Variants in COL14A1 observed in about 807,000 individuals in gnomAD.
COL14A1 encodes collagen alpha-1(XIV) chain.
A neutral mutation model predicts 230.3 loss-of-function variants in COL14A1; 136 were observed. That is an observed-to-expected ratio of 0.59 (90% CI 0.51 to 0.68). The LOEUF is 0.68. Ranked by LOEUF, COL14A1 falls within the 30% of genes least tolerant of loss-of-function variation. The probability of loss-of-function intolerance (pLI) is 0.00; values close to 1 mark genes in which losing one functional copy is unlikely to be tolerated. For missense variants in COL14A1, 1,976 were observed against 2,215.8 expected (o/e 0.89, Z 2.17); for synonymous variants, 792 against 784.1 (o/e 1.01, Z -0.17).
chr8:120,294,434 CTTTT>C (rs57256972), intron 34 of COL14A1, among the ~76,000 whole-genome samples: 87,139 of 136,780 alleles, frequency 0.64, 27,420 homozygotes, highest in African/African-American at 0.75. Context: ...GTCTCTTCCT[CTTTT>C]TTTTTTTTTT....
chr8:120,166,919 TGTGGTGGTGATGATG>T (rs1402334212), intron 4 of COL14A1, among the ~76,000 whole-genome samples: 11 of 143,860 alleles, frequency 7.6e-5, no homozygotes, highest in African/African-American at 3.0e-4. Context: ...TGTGTGTGTG[TGTGGTGGTGATGATG>T]GTGGTGGTGG....
intron 23 of COL14A1, among the ~76,000 whole-genome samples, chr8:120,259,782 G>A (rs1476992859): frequency 1.3e-5 from 2 of 152,196 alleles, no homozygotes; most frequent in Non-Finnish European, 2.9e-5. Context: ...CGGAAGGTTT[G>A]TGGAGGTAGA....
In COL14A1 at chr8:120,373,211, G is replaced by A. The variant is rs1394284684; in HGVS notation, c.*1980G>A. Among the ~76,000 whole-genome samples, 10 of 152,140 alleles carry A rather than the reference G, an allele frequency of 6.6e-5. No homozygotes were observed. The highest frequency in any genetic ancestry group is 5.9e-5 in the Non-Finnish European group (4 of 68,018). ...CTCTCAAAGTTTGTGTATAAATGGCGAAGTATACACTATGAGAGATTCTAA... is the reference window on the plus strand; with the variant it reads ...CTCTCAAAGTTTGTGTATAAATGGCAAAGTATACACTATGAGAGATTCTAA... On this transcript the variant is annotated 3_prime_UTR_variant, in exon 48 of 48. Coordinates refer to ENST00000297848, the MANE Select transcript of COL14A1 (RefSeq NM_021110.4).
chr8:120,298,595 T>TTTTA (rs1554620747), intron 35 of COL14A1, among the ~76,000 whole-genome samples: 1 of 46,932 alleles, frequency 2.1e-5, no homozygotes, highest in Non-Finnish European at 3.8e-5. Context: ...TACCCATATA[T>TTTTA]TTTATATATA....
intron 23 of COL14A1, among the ~76,000 whole-genome samples, chr8:120,256,534 A>G (rs1023111978): frequency 2.0e-5 from 3 of 152,196 alleles, no homozygotes; most frequent in African/African-American, 7.2e-5. Flanking sequence ...CCTCTCTATG[A>G]TGTAAGGATC....
intron 5 of COL14A1, among the ~76,000 whole-genome samples, chr8:120,194,806 C>T (rs190774858): frequency 6.6e-6 from 1 of 152,190 alleles, no homozygotes; most frequent in African/African-American, 2.4e-5. Context: ...AACTTTTCCC[C>T]ATAAAAACAG....
chr8:120,265,639 A>G (rs1819480141), intron 24 of COL14A1, among the ~76,000 whole-genome samples: 1 of 148,530 alleles, frequency 6.7e-6, no homozygotes, highest in Non-Finnish European at 1.5e-5. Context: ...AAAGGTATAT[A>G]TATGTGTGTG....
At chr8:120,216,206 CA>C in intron 13 of COL14A1, 144 bp from the exon 14 acceptor site, 1 of 627,144 alleles carries the variant, frequency 1.6e-6, no homozygotes, top group Non-Finnish European at 2.6e-6. Context: ...TTTTATGAGA[CA>C]ATACACTGGT....
chr8:120,251,707 A>G (rs1447149371), intron 22 of COL14A1, among the ~76,000 whole-genome samples: 3 of 152,158 alleles, frequency 2.0e-5, no homozygotes, highest in African/African-American at 7.2e-5. Flanking sequence ...GTTACCCTAA[A>G]CAGAAAATCA....
intron 19 of COL14A1, among the ~76,000 whole-genome samples, chr8:120,233,099 CT>C (rs1281520749): frequency 6.6e-6 from 1 of 152,160 alleles, no homozygotes; most frequent in Non-Finnish European, 1.5e-5. Flanking sequence ...CCTTCTCCCA[CT>C]TTTTGATGGA....
chr8:120,280,211 A>G, intron 29 of COL14A1, 112 bp downstream of exon 29: 1 of 1,231,688 alleles, frequency 8.1e-7, no homozygotes, highest in Non-Finnish European at 1.2e-6. Context: ...GACTTCCAGT[A>G]CTGCTTGTTA....
chr8:120,261,554 T>C (rs984397195), intron 23 of COL14A1, among the ~76,000 whole-genome samples: 2 of 152,198 alleles, frequency 1.3e-5, no homozygotes, highest in South Asian at 2.1e-4. Context: ...CCAGCACTAG[T>C]TCTTCCAGGA....
chr8:120,148,144 CTTTTTT>C (rs59311466), intron 2 of COL14A1, among the ~76,000 whole-genome samples: 2 of 122,978 alleles, frequency 1.6e-5, no homozygotes. Context: ...ATAGGTCATT[CTTTTTT>C]TTTTTTTTTT....
intron 45 of COL14A1, among the ~76,000 whole-genome samples, chr8:120,353,990 C>A (rs1586892062): frequency 7.6e-6 from 1 of 131,674 alleles, no homozygotes; most frequent in Non-Finnish European, 1.6e-5. Context: ...TGGAACCAAC[C>A]CAAATGTCCA....
rs1454534372 is a variant in COL14A1, at chr8:120,344,887, G to GC, written c.4889-487dup. Among the ~76,000 whole-genome samples the GC allele has an allele frequency of 2.0e-5, 3 of 152,098 alleles. No homozygotes were observed. The East Asian group carries it at 5.8e-4, about 29-fold the overall frequency. The stretch of plus-strand genomic sequence containing the variant: ...TATAAAGCTAGTGGGAGTTTCTGCA[G>GC]CTGAGACCCAAGTAAAGGTTCCTAA... On this transcript the variant is annotated intron_variant, in intron 44 of 47. Coordinates refer to ENST00000297848, the MANE Select transcript of COL14A1 (RefSeq NM_021110.4).
chr8:120,264,665 A>G (rs1430507095), intron 24 of COL14A1, among the ~76,000 whole-genome samples: 2 of 152,142 alleles, frequency 1.3e-5, no homozygotes, highest in African/African-American at 4.8e-5. Flanking sequence ...CTCCAGCCAT[A>G]CTTTTTTAAG....
intron 40 of COL14A1, among the ~76,000 whole-genome samples, chr8:120,331,849 C>T (rs915928948): frequency 1.3e-5 from 2 of 152,218 alleles, no homozygotes; most frequent in African/African-American, 4.8e-5. Flanking sequence ...ATCCTCTTTC[C>T]ATTTGTTAGG....
intron 5 of COL14A1, among the ~76,000 whole-genome samples, chr8:120,180,650 G>A (rs1057189714): frequency 6.7e-6 from 1 of 149,864 alleles, no homozygotes; most frequent in Non-Finnish European, 1.5e-5. Context: ...AGAGTTTCAG[G>A]TTCCAGAATT....
At position 120,284,084 on chromosome 8, in the gene COL14A1, G is replaced by C. The variant is rs1286364330; in HGVS notation, c.3967+306G>C. Among the ~76,000 whole-genome samples, 3 of 152,186 alleles carry C rather than the reference G, an allele frequency of 2.0e-5. No homozygotes were observed. The East Asian group carries it at 5.8e-4, about 29-fold the overall frequency. ...ACAGACAGAGCAAGGCCCTTGGAGG[G>C]TCAATGGGAGGGGTGGGACCACAGT... On this transcript the variant is annotated intron_variant, in intron 32 of 47. Coordinates refer to ENST00000297848, the MANE Select transcript of COL14A1 (RefSeq NM_021110.4).
Sources: allele counts gnomAD v4.1 joint callset (sites outside exome capture counted in the v4.1 genomes callset), GRCh38; gene constraint gnomAD v4.1.1; transcripts MANE v1.5; gene names NCBI Gene and HGNC (gene_info 2026-07-23, HGNC 2026-07-21).